The following AVEN variants were observed in gnomAD, a reference collection of about 807,000 sequenced individuals.
The protein encoded by AVEN is cell death regulator Aven.
Under a neutral mutation model 38.1 loss-of-function variants are expected in AVEN, and 41 were observed. That is an observed-to-expected ratio of 1.08 (90% CI 0.84 to 1.40). The LOEUF is 1.40. Among genes scored for constraint, AVEN ranks in the 40% most tolerant of loss-of-function variants. The pLI is 0.00. For missense variants in AVEN, 605 were observed against 438.8 expected, an observed-to-expected ratio of 1.38 and a Z score of -3.38; for synonymous variants, 206 against 171.8, an observed-to-expected ratio of 1.20 and a Z score of -1.56.
upstream of AVEN, among the ~76,000 whole-genome samples, chr15:34,042,369 C>A (rs1194526542): frequency 1.3e-5 from 2 of 149,982 alleles, no homozygotes; most frequent in African/African-American, 4.9e-5. Flanking sequence ...GTACTTTTTG[C>A]ATATTTTTAA....
chr15:33,913,837 T>C (rs1406581716), intron 2 of AVEN, among the ~76,000 whole-genome samples: 1 of 152,234 alleles, frequency 6.6e-6, no homozygotes, highest in African/African-American at 2.4e-5. Flanking sequence ...TTCCTTATTC[T>C]TGGTTAAGGA....
At position 33,996,994 on chromosome 15, in the gene AVEN, A is replaced by G. The variant is rs574285338; in HGVS notation, c.445+6038T>C. Among the ~76,000 whole-genome samples, 15 of 152,376 alleles carry G rather than the reference A, an allele frequency of 9.8e-5. No individual in the cohort carries two copies. The East Asian group carries it at 2.3e-3, about 24-fold the overall frequency. ...AGATGAATGGCTAACTAGAATAAACAGCGTAGAGAAGACCTTAAATTACCC... is the reference window on the plus strand; with the variant it reads ...AGATGAATGGCTAACTAGAATAAACGGCGTAGAGAAGACCTTAAATTACCC... On this transcript the variant is annotated intron_variant, in intron 2 of 5. Coordinates refer to ENST00000306730, the MANE Select transcript of AVEN (RefSeq NM_020371.3).
chr15:33,993,884 A>G (rs1181782348), intron 2 of AVEN, among the ~76,000 whole-genome samples: 1 of 152,238 alleles, frequency 6.6e-6, no homozygotes, highest in Non-Finnish European at 1.5e-5. Flanking sequence ...GAATCATACT[A>G]ACGAATTCTG....
chr15:33,907,260 A>T (rs944800980), intron 2 of AVEN, among the ~76,000 whole-genome samples: 7 of 152,146 alleles, frequency 4.6e-5, no homozygotes, highest in African/African-American at 1.7e-4. Flanking sequence ...GAGACCTCAA[A>T]TGATGGGACA....
intron 2 of AVEN, among the ~76,000 whole-genome samples, chr15:33,936,906 C>A (rs1048605562): frequency 6.6e-5 from 10 of 152,012 alleles, no homozygotes; most frequent in African/African-American, 2.2e-4. Context: ...CCGAGGCGGG[C>A]GGATCACGAG....
rs151230253 is a variant in AVEN at position 33,938,415 on chromosome 15, A to G, written c.446-62420T>C. 9.8e-3 allele frequency among the ~76,000 whole-genome samples: 1,485 copies of G among 152,250 alleles called. 22 individuals carry two copies. The highest frequency in any genetic ancestry group is 0.034 in the African/African-American group (1,418 of 41,538). On this transcript the variant is annotated intron_variant, in intron 2 of 5. Transcript: ENST00000306730. ...GCTTGCAGTGAGCCGAGATCGCGCCACTGCACTCCAGCCTGGGTGACAGAG... is the reference window on the plus strand; with the variant it reads ...GCTTGCAGTGAGCCGAGATCGCGCCGCTGCACTCCAGCCTGGGTGACAGAG...
intron 2 of AVEN, among the ~76,000 whole-genome samples, chr15:33,952,348 G>A (rs1370450133): frequency 1.3e-5 from 2 of 152,142 alleles, no homozygotes; most frequent in Non-Finnish European, 2.9e-5. Context: ...CAAACTATTA[G>A]AAGATGACTC....
At chr15:33,891,460 C>G (rs911173397) in intron 2 of AVEN, among the ~76,000 whole-genome samples, 2 of 152,102 alleles carry the variant, frequency 1.3e-5, no homozygotes, top group Non-Finnish European at 2.9e-5. Context: ...TTGTTCAGTT[C>G]CCACCTGTGA....
chr15:34,036,130 A>C (rs1899113301), intron 1 of AVEN, among the ~76,000 whole-genome samples: 2 of 151,974 alleles, frequency 1.3e-5, no homozygotes, highest in South Asian at 4.2e-4. Context: ...TAATGATTGT[A>C]TCTAGTACAA....
chr15:33,961,773 A>C (rs189466015), intron 2 of AVEN, among the ~76,000 whole-genome samples: 2 of 130,860 alleles, frequency 1.5e-5, no homozygotes, highest in South Asian at 2.6e-4. Flanking sequence ...AGATCGCGCC[A>C]CTGCACTCCA....
At chr15:33,861,040 T>C (rs1412394048) in intron 11 of AVEN, 2 of 1,420,454 alleles carry the variant, frequency 1.4e-6, no homozygotes, top group Admixed American at 3.9e-5. Flanking sequence ...GCCTATATTA[T>C]GCCAACAAAT....
chr15:33,863,644 T>G (rs1019944997), downstream of AVEN, among the ~76,000 whole-genome samples: 4 of 152,218 alleles, frequency 2.6e-5, no homozygotes, highest in Non-Finnish European at 5.9e-5. Flanking sequence ...TTCCCGCAGC[T>G]ATTTATGATG....
intron 5 of AVEN, chr15:34,062,568 A>C (rs1028430871): frequency 2.9e-6 from 2 of 689,170 alleles, no homozygotes; most frequent in African/African-American, 1.8e-5. Flanking sequence ...AAAAAAAAAA[A>C]AAAAAACTAT....
At chr15:33,918,597 C>T (rs766094562) in intron 2 of AVEN, among the ~76,000 whole-genome samples, 2 of 150,074 alleles carry the variant, frequency 1.3e-5, no homozygotes, top group African/African-American at 2.5e-5. Context: ...CAGCCTCCTG[C>T]GCACACCACC....
chr15:34,008,952 G>GCA (rs142138959), intron 1 of AVEN, among the ~76,000 whole-genome samples: 20,872 of 95,368 alleles, frequency 0.22, 1,836 homozygotes, highest in African/African-American at 0.29. Flanking sequence ...ACGTGCGCGC[G>GCA]CGCACACACA....
At chr15:33,959,678 C>T (rs1196530966) in intron 2 of AVEN, among the ~76,000 whole-genome samples, 1 of 152,072 alleles carries the variant, frequency 6.6e-6, no homozygotes, top group East Asian at 1.9e-4. Flanking sequence ...GGAATGAGAA[C>T]GAGGAAGAAG....
At chr15:34,062,567 A>AG (rs1457570727) in intron 5 of AVEN, 4 of 684,734 alleles carry the variant, frequency 5.8e-6, no homozygotes, top group African/African-American at 1.8e-5. Flanking sequence ...AAAAAAAAAA[A>AG]AAAAAAACTA....
chr15:33,897,996 TG>T (rs1339471654), intron 2 of AVEN, among the ~76,000 whole-genome samples: 2 of 152,196 alleles, frequency 1.3e-5, no homozygotes, highest in Admixed American at 6.5e-5. Flanking sequence ...GAGACCATCC[TG>T]GCTAACACGG....
At chr15:33,855,427 C>T (rs1318542070), downstream of AVEN, among the ~76,000 whole-genome samples, 2 of 152,226 alleles carry the variant, frequency 1.3e-5, no homozygotes, top group South Asian at 2.1e-4. Context: ...TGGTCTCAAA[C>T]GCCTGATCTC....
Sources: gnomAD v4.1 joint callset for allele counts (sites outside exome capture counted in the v4.1 genomes callset) on GRCh38, gnomAD v4.1.1 for gene constraint, MANE v1.5 for transcripts, NCBI Gene and HGNC (gene_info 2026-07-23, HGNC 2026-07-21) for gene names.